Variants in FUT4 observed in about 807,000 individuals in gnomAD.
FUT4 encodes the protein alpha-(1,3)-fucosyltransferase 4.
FUT4 carries 1 observed loss-of-function variant against 3.8 expected under a neutral mutation model. The ratio of observed to expected loss-of-function variants is 0.26; its 90% CI spans 0.09 to 1.25. FUT4 has a LOEUF of 1.25. Ranked by LOEUF, FUT4 falls within the 50% of genes most tolerant of loss-of-function variation. The probability of loss-of-function intolerance (pLI) is 0.47; values close to 1 mark genes in which losing one functional copy is unlikely to be tolerated. For missense variants in FUT4, 880 were observed against 768.2 expected, an observed-to-expected ratio of 1.15 and a Z score of -1.72; for synonymous variants, 417 against 355.3, an observed-to-expected ratio of 1.17 and a Z score of -1.95.
rs1345382644 is a variant in FUT4, at chr11:94,545,531, C to T, written c.1398C>T (p.Ser466=). ...ACGTGGACGACTTCCCAAGTGCCTC[C>T]TCCCTGGCCTCGTACCTGCTTTTCC... ...FIHVDDFPSA[S]SLASYLLFLD... Residue 466 remains serine, a synonymous_variant, in exon 1 of 1, where the codon TCC becomes TCT. Transcript: ENST00000358752. 6.2e-7 allele frequency: 1 copy of T among 1,613,848 alleles called. No individual in the cohort carries two copies. The highest frequency in any genetic ancestry group is 1.7e-5 in the Admixed American group (1 of 60,034).
rs1947835091 is a variant in FUT4, at chr11:94,544,520, G to T, written c.387G>T (p.Pro129=). The T allele has an allele frequency of 3.1e-6, 4 of 1,307,552 alleles. No homozygotes were observed. The African/African-American group carries it at 6.2e-5, about 20-fold the overall frequency. The allele number at this position is 1,307,552 out of a possible 1,614,324, so 81.0% of individuals were successfully genotyped here. A position where few individuals can be genotyped will look rare whatever the true frequency, so the allele number is the denominator to read the frequency against. Residue 129 remains proline (P), a synonymous_variant, in exon 1 of 1, where the codon CCG becomes CCT. Coordinates refer to ENST00000358752, the MANE Select transcript of FUT4 (RefSeq NM_002033.4). ...AALPVRAMGA[P]WGSPTAAAGG... ...TGCCTGTTCGCGCCATGGGGGCACC[G>T]TGGGGCTCGCCGACGGCGGCGGCGG...
chr11:94,545,039 C>A lies in FUT4; in HGVS notation c.906C>A (p.His302Gln). Residue 302 changes from histidine (H) to glutamine (Q), a missense_variant, in exon 1 of 1, where the codon CAC (histidine) becomes CAA (glutamine). Physicochemically the swap from His to Gln is conservative, Grantham distance 24. Transcript: ENST00000358752. Reference protein sequence around the residue: ...WVWMNFESPSHSPGLRSLASN... With the variant: ...WVWMNFESPSQSPGLRSLASN... Reference sequence around the variant, plus strand: ...GGATGAACTTCGAGTCGCCCTCGCACTCCCCGGGGCTGCGAAGCCTGGCAA... The same window carrying A: ...GGATGAACTTCGAGTCGCCCTCGCAATCCCCGGGGCTGCGAAGCCTGGCAA... The A allele has an allele frequency of 6.2e-7, 1 of 1,611,582 alleles. No homozygotes were observed.
rs2135196372 is a variant in FUT4 at position 94,544,374 on chromosome 11, A to G, written c.241A>G (p.Thr81Ala). 6.5e-7 allele frequency: 1 copy of G among 1,542,454 alleles called. No individual in the cohort carries two copies. The highest frequency in any genetic ancestry group is 1.4e-5 in the African/African-American group (1 of 71,054). The part of the protein sequence containing the change: ...GQGPRPLHSG[T>A]APFHSRASGE... ...GGGCCCGCGGCCTTTGCATTCTGGG[A>G]CCGCCCCCTTCCATTCCCGGGCCAG... Residue 81 changes from threonine to alanine, a missense_variant, in exon 1 of 1, where the codon ACC becomes GCC. By Grantham distance (58) the Thr-to-Ala change is moderately conservative (BLOSUM62 0). Coordinates refer to ENST00000358752, the MANE Select transcript of FUT4 (RefSeq NM_002033.4).
chr11:94,544,927 T>G lies in FUT4; in HGVS notation c.794T>G (p.Leu265Arg). 6.2e-7 allele frequency: 1 copy of G among 1,607,672 alleles called. No individual in the cohort carries two copies. The highest frequency in any genetic ancestry group is 8.5e-7 in the Non-Finnish European group (1 of 1,177,872). The change falls in exon 1 of 1, where the codon CTG becomes CGG. Residue 265 changes from leucine to arginine, a missense_variant. Coordinates refer to ENST00000358752, the MANE Select transcript of FUT4 (RefSeq NM_002033.4). ...IQAHTAEEVD[L>R]RVLDYEEAAA... ...GCGCACACTGCCGAGGAGGTGGATCTGCGCGTGTTGGACTACGAGGAGGCA... is the reference window on the plus strand; with the variant it reads ...GCGCACACTGCCGAGGAGGTGGATCGGCGCGTGTTGGACTACGAGGAGGCA...
In FUT4 at chr11:94,546,106, A is replaced by T. The variant is rs1176399099; in HGVS notation, c.*380A>T. 5.4e-6 allele frequency: 2 copies of T among 372,954 alleles called. No homozygotes were observed. The highest frequency in any genetic ancestry group is 3.8e-5 in the Admixed American group (1 of 26,636). 23.1% of individuals were successfully genotyped at this position (372,954 alleles called of 1,614,324 possible). ...TATTTGTGGCCCGTGCAGCTTCCAA[A>T]TCTCATACACAACTGTTCCCGATTC... On this transcript the variant is annotated 3_prime_UTR_variant, in exon 1 of 1. Transcript: ENST00000358752.
At position 94,544,841 on chromosome 11, in the gene FUT4, T is replaced by C; in HGVS notation, c.708T>C (p.Leu236=). ...RASYGEAQAV[L]FHHRDLVKGP... ...CCTACGGAGAGGCTCAGGCCGTGCT[T>C]TTCCACCACCGCGACCTCGTGAAGG... Residue 236 remains leucine (L), a synonymous_variant, in exon 1 of 1, where the codon CTT becomes CTC. Coordinates refer to ENST00000358752, the MANE Select transcript of FUT4 (RefSeq NM_002033.4). The C allele has an allele frequency of 6.2e-7, 1 of 1,605,708 alleles. No individual in the cohort carries two copies. Among genetic ancestry groups the C allele is most frequent in the South Asian group, 1.1e-5 (1 of 91,010 alleles).
chr11:94,544,485 G>A lies in FUT4; in HGVS notation c.352G>A (p.Glu118Lys). Residue 118 changes from glutamate to lysine, a missense_variant, in exon 1 of 1, where the codon GAG (glutamate) becomes AAG (lysine). Glu to Lys is a moderately conservative substitution (Grantham distance 56). Coordinates refer to ENST00000358752, the MANE Select transcript of FUT4 (RefSeq NM_002033.4). Reference sequence around the variant, plus strand: ...CACGCCTGCGGACGCGTGGCGAGCGGAGGCAGCGCTGCCTGTTCGCGCCAT... The same window carrying A: ...CACGCCTGCGGACGCGTGGCGAGCGAAGGCAGCGCTGCCTGTTCGCGCCAT... ...SSTPADAWRAEAALPVRAMGA... is the reference protein window; with the variant it reads ...SSTPADAWRAKAALPVRAMGA... The A allele has an allele frequency of 6.7e-7, 1 of 1,484,810 alleles. No homozygotes were observed. The highest frequency in any genetic ancestry group is 8.9e-7 in the Non-Finnish European group (1 of 1,124,480). The allele number at this position is 1,484,810 out of a possible 1,614,324, so 92.0% of individuals were successfully genotyped here. A position where few individuals can be genotyped will look rare whatever the true frequency, so the allele number is the denominator to read the frequency against.
rs1947845719 is a variant in FUT4 at position 94,545,146 on chromosome 11, AC to A, written c.1017del (p.Gly340AlafsTer22). 6.2e-7 allele frequency: 1 copy of A among 1,601,918 alleles called. No individual in the cohort carries two copies. Among genetic ancestry groups the A allele is most frequent in the African/African-American group, 1.3e-5 (1 of 74,538 alleles). On this transcript the variant is annotated frameshift_variant, in exon 1 of 1. Coordinates refer to ENST00000358752, the MANE Select transcript of FUT4 (RefSeq NM_002033.4). LOFTEE classifies it low-confidence loss of function (END_TRUNC). ...VPYGYLYPRS[H>X]PGDPPSGLAP... Reference sequence around the variant, plus strand: ...TATGGCTACCTCTACCCCAGAAGCCACCCCGGCGACCCGCCCTCAGGCCTGG... The same window carrying A: ...TATGGCTACCTCTACCCCAGAAGCCACCCGGCGACCCGCCCTCAGGCCTGG...
Position 94,546,599 on chromosome 11 carries a change from A to G in FUT4, c.*873A>G, listed in dbSNP as rs1947864285. 6.0e-6 allele frequency: 1 copy of G among 166,612 alleles called. No homozygotes were observed. The highest frequency in any genetic ancestry group is 2.1e-4 in the South Asian group (1 of 4,830). The allele number at this position is 166,612 out of a possible 1,614,324, so 10.3% of individuals were successfully genotyped here. A position where few individuals can be genotyped will look rare whatever the true frequency, so the allele number is the denominator to read the frequency against. ...AATCATATTAAAATTACAGATGTGA[A>G]AATAAAGCAGAAGCAACCTTTTTCC... On this transcript the variant is annotated 3_prime_UTR_variant, in exon 1 of 1. Transcript: ENST00000358752.
chr11:94,544,755 C>T lies in FUT4; in HGVS notation c.622C>T (p.Pro208Ser). The part of the protein sequence containing the change: ...FGGRDSAPRP[P>S]PDCRLRFNIS... ...GGGGCGCGATAGCGCCCCGAGGCCG[C>T]CCCCTGACTGCCGGCTGCGCTTCAA... Residue 208 changes from proline to serine, a missense_variant, in exon 1 of 1, where the codon CCC (proline) becomes TCC (serine). Coordinates refer to ENST00000358752, the MANE Select transcript of FUT4 (RefSeq NM_002033.4). 3 of 1,570,056 alleles carry T rather than the reference C, an allele frequency of 1.9e-6. No individual in the cohort carries two copies. Among genetic ancestry groups the T allele is most frequent in the South Asian group, 1.1e-5 (1 of 87,382 alleles).
rs1947884266 is a variant in FUT4 at position 94,548,058 on chromosome 11, TTA to T, written c.*2333_*2334del. 4.2e-5 allele frequency: 7 copies of T among 166,818 alleles called. No homozygotes were observed. The highest frequency in any genetic ancestry group is 1.0e-4 in the Non-Finnish European group (7 of 68,110). The allele number at this position is 166,818 out of a possible 1,614,324, so 10.3% of individuals were successfully genotyped here. A position where few individuals can be genotyped will look rare whatever the true frequency, so the allele number is the denominator to read the frequency against. ...TTAAAAGGATAATCTAAATCACCAT[TTA>T]GATTAAGCTTGACTTGCAAACTAGG... On this transcript the variant is annotated 3_prime_UTR_variant, in exon 1 of 1. Transcript: ENST00000358752.
rs1407477664 is a variant in FUT4 at position 94,547,250 on chromosome 11, T to C, written c.*1524T>C. ...AAGTAAATGGTGACTGATAAAACAATTGGCAGAACCTGTTTGATTACTGTG... is the reference window on the plus strand; with the variant it reads ...AAGTAAATGGTGACTGATAAAACAACTGGCAGAACCTGTTTGATTACTGTG... On this transcript the variant is annotated 3_prime_UTR_variant, in exon 1 of 1. Transcript: ENST00000358752. 1 of 166,960 alleles carries C rather than the reference T, an allele frequency of 6.0e-6. No individual in the cohort carries two copies. Among genetic ancestry groups the C allele is most frequent in the African/African-American group, 2.4e-5 (1 of 41,454 alleles). 10.3% of individuals were successfully genotyped at this position (166,960 alleles called of 1,614,324 possible).
chr11:94,544,761 G>C lies in FUT4; in HGVS notation c.628G>C (p.Asp210His). 6.4e-7 allele frequency: 1 copy of C among 1,574,536 alleles called. No homozygotes were observed. Residue 210 changes from aspartate to histidine, a missense_variant, in exon 1 of 1, where the codon GAC becomes CAC. Transcript: ENST00000358752. ...GRDSAPRPPP[D>H]CRLRFNISGC... ...CGATAGCGCCCCGAGGCCGCCCCCT[G>C]ACTGCCGGCTGCGCTTCAACATCAG...
At position 94,543,958 on chromosome 11, in the gene FUT4, G is replaced by C; in HGVS notation, c.-176G>C. 3.4e-6 allele frequency: 3 copies of C among 882,076 alleles called. No homozygotes were observed. In the South Asian group the frequency reaches 1.4e-4, roughly 42 times the overall value. The allele number at this position is 882,076 out of a possible 1,614,324, so 54.6% of individuals were successfully genotyped here. A position where few individuals can be genotyped will look rare whatever the true frequency, so the allele number is the denominator to read the frequency against. ...CGGGTCCGCCTTCCGTCTGTTCTAG[G>C]GCCTGCTCCTGCGCGGCAGCTGCTT... On this transcript the variant is annotated 5_prime_UTR_variant, in exon 1 of 1. Transcript: ENST00000358752.
rs1379068611 is a variant in FUT4, at chr11:94,544,782, A to G, written c.649A>G (p.Ile217Val). The change falls in exon 1 of 1, where the codon ATC becomes GTC. Residue 217 changes from isoleucine to valine, a missense_variant. Physicochemically the swap from Ile to Val is conservative, Grantham distance 29. Transcript: ENST00000358752. Reference protein sequence around the residue: ...PPPDCRLRFNISGCRLLTDRA... With the variant: ...PPPDCRLRFNVSGCRLLTDRA... ...CCCTGACTGCCGGCTGCGCTTCAACATCAGCGGCTGCCGCCTGCTCACCGA... is the reference window on the plus strand; with the variant it reads ...CCCTGACTGCCGGCTGCGCTTCAACGTCAGCGGCTGCCGCCTGCTCACCGA... 2 of 1,589,240 alleles carry G rather than the reference A, an allele frequency of 1.3e-6. No individual in the cohort carries two copies. Among genetic ancestry groups the G allele is most frequent in the Non-Finnish European group, 1.7e-6 (2 of 1,175,072 alleles).
At position 94,549,768 on chromosome 11, in the gene FUT4, C is replaced by T. The variant is rs1428709589; in HGVS notation, c.*4042C>T. On this transcript the variant is annotated 3_prime_UTR_variant, in exon 1 of 1. Coordinates refer to ENST00000358752, the MANE Select transcript of FUT4 (RefSeq NM_002033.4). ...GTGAATACTTGCATTGAATACATGT[C>T]AAGATGTCAAGTCATTTTTGAATGT... The T allele has an allele frequency of 1.2e-5, 2 of 166,940 alleles. No homozygotes were observed. The highest frequency in any genetic ancestry group is 4.8e-5 in the African/African-American group (2 of 41,438). 10.3% of individuals were successfully genotyped at this position (166,940 alleles called of 1,614,324 possible). A position where few individuals can be genotyped will look rare whatever the true frequency, so the allele number is the denominator to read the frequency against.
rs756937681 is a variant in FUT4, at chr11:94,545,623, C to T, written c.1490C>T (p.Thr497Ile). The T allele has an allele frequency of 1.9e-6, 3 of 1,613,308 alleles. No homozygotes were observed. Among genetic ancestry groups the T allele is most frequent in the African/African-American group, 2.7e-5 (2 of 75,064 alleles). The change falls in exon 1 of 1, where the codon ACC (threonine) becomes ATC (isoleucine). Residue 497 changes from threonine to isoleucine, a missense_variant. Physicochemically the swap from Thr to Ile is moderately conservative, Grantham distance 89 (BLOSUM62 -1). This residue lies in a region of FUT4 where 424 missense variants were observed against 400.4 expected (regional missense o/e 1.06). Transcript: ENST00000358752. ...HWRRSYAVHITSFWDEPWCRV... is the reference protein window; with the variant it reads ...HWRRSYAVHIISFWDEPWCRV... ...CGCCGGAGCTACGCTGTCCACATCA[C>T]CTCCTTCTGGGACGAGCCTTGGTGC... is the stretch of plus-strand genomic sequence containing the variant.
Position 94,548,770 on chromosome 11 carries a change from A to G in FUT4, c.*3044A>G, listed in dbSNP as rs1189949435. The G allele has an allele frequency of 2.4e-5, 4 of 167,080 alleles. No homozygotes were observed. The highest frequency in any genetic ancestry group is 4.4e-5 in the Non-Finnish European group (3 of 68,118). 10.3% of individuals were successfully genotyped at this position (167,080 alleles called of 1,614,324 possible). A position where few individuals can be genotyped will look rare whatever the true frequency, so the allele number is the denominator to read the frequency against. ...CCTTTAAGGCTTTTCCCTCAAATTT[A>G]TTACAAATTTAGTATTTTTAGTACT... is the stretch of plus-strand genomic sequence containing the variant. On this transcript the variant is annotated 3_prime_UTR_variant, in exon 1 of 1. Transcript: ENST00000358752.
At position 94,544,649 on chromosome 11, in the gene FUT4, G is replaced by A; in HGVS notation, c.516G>A (p.Trp172Ter). 1 of 1,516,698 alleles carries A rather than the reference G, an allele frequency of 6.6e-7. No homozygotes were observed. The highest frequency in any genetic ancestry group is 8.7e-7 in the Non-Finnish European group (1 of 1,146,038). The allele number at this position is 1,516,698 out of a possible 1,614,324, so 94.0% of individuals were successfully genotyped here. The change falls in exon 1 of 1, where the codon TGG (tryptophan) becomes TGA (stop). Residue 172 changes from tryptophan to a stop codon, truncating the protein, a stop_gained. Transcript: ENST00000358752. LOFTEE classifies it low-confidence loss of function (END_TRUNC). ...TCTALITYAC[W>*]GQLPPLPWAS... ...CGGCGCTGATCACCTACGCTTGCTG[G>A]GGGCAGCTGCCGCCGCTGCCCTGGG... is the stretch of plus-strand genomic sequence containing the variant.
Sources: gnomAD v4.1 joint callset for allele counts on GRCh38, gnomAD v4.1.1 for gene constraint, gnomAD v4.1.1 regional missense constraint, MANE v1.5 for transcripts, NCBI Gene and HGNC (gene_info 2026-07-23, HGNC 2026-07-21) for gene names.